CCDC169: variants seen among roughly 807,000 people sequenced by gnomAD.
CCDC169 encodes the protein coiled-coil domain-containing protein 169.
A neutral mutation model predicts 36.0 loss-of-function variants in CCDC169; 30 were observed. The ratio of observed to expected loss-of-function variants is 0.83; its 90% CI spans 0.62 to 1.13. CCDC169 has a LOEUF of 1.13. CCDC169 is among the 50% of genes most tolerant of loss of function. CCDC169 has a pLI of 0.00. For missense variants in CCDC169, 245 were observed against 245.9 expected (o/e 1.00, Z 0.03); for synonymous variants, 85 against 81.5 (o/e 1.04, Z -0.23).
downstream of CCDC169, among the ~76,000 whole-genome samples, chr13:36,228,055 T>G (rs1870042051): frequency 6.6e-6 from 1 of 152,248 alleles, no homozygotes; most frequent in African/African-American, 2.4e-5. Context: ...TACATTTTAT[T>G]TACCCAATCA....
chr13:36,246,436 CA>C (rs1052938790), intron 7 of CCDC169, among the ~76,000 whole-genome samples: 4 of 152,254 alleles, frequency 2.6e-5, no homozygotes, highest in African/African-American at 9.6e-5. Context: ...CCAAAGAAAC[CA>C]CAATATTCTC....
intron 4 of CCDC169, among the ~76,000 whole-genome samples, chr13:36,273,850 A>G (rs2138571692): frequency 6.6e-6 from 1 of 152,160 alleles, no homozygotes; most frequent in African/African-American, 2.4e-5. Context: ...TTTCTTCACT[A>G]TTATCTTTAA....
intron 2 of CCDC169, among the ~76,000 whole-genome samples, chr13:36,293,029 C>T (rs1879091104): frequency 1.3e-5 from 2 of 152,138 alleles, no homozygotes; most frequent in South Asian, 4.2e-4. Flanking sequence ...CTGATTGCTT[C>T]TCTTTTTTCT....
In CCDC169 at chr13:36,288,913, CTAGT is replaced by C. The variant is rs201354073; in HGVS notation, c.164-5215_164-5212del. 5.7e-3 allele frequency among the ~76,000 whole-genome samples: 871 copies of C among 151,976 alleles called. 8 individuals carry two copies. Among genetic ancestry groups the C allele is most frequent in the Non-Finnish European group, 7.8e-3 (527 of 67,954 alleles). ...AAATTCTTATCCTAAAATAAAATGGCTAGTTATTCAGAAAACAGAAAATTTTAGG... is the reference window on the plus strand; with the variant it reads ...AAATTCTTATCCTAAAATAAAATGGCTATTCAGAAAACAGAAAATTTTAGG... On this transcript the variant is annotated intron_variant, in intron 2 of 7. Coordinates refer to ENST00000239859, the MANE Select transcript of CCDC169 (RefSeq NM_001144981.3).
At chr13:36,292,271 G>T (rs1295778836) in intron 2 of CCDC169, among the ~76,000 whole-genome samples, 1 of 152,106 alleles carries the variant, frequency 6.6e-6, no homozygotes, top group Admixed American at 6.5e-5. Flanking sequence ...TGGGATTACA[G>T]GTGTGAACTG....
downstream of CCDC169, among the ~76,000 whole-genome samples, chr13:36,229,588 A>C (rs1870202348): frequency 7.3e-6 from 1 of 137,604 alleles, no homozygotes; most frequent in Non-Finnish European, 1.5e-5. Context: ...CCCAAGCTGG[A>C]GTGCAGTGGC....
At chr13:36,281,301 TTTAC>T (rs777804625) in intron 4 of CCDC169, 22 of 438,198 alleles carry the variant, frequency 5.0e-5, no homozygotes, top group Non-Finnish European at 8.2e-5. Context: ...AAAAAAAAAC[TTTAC>T]TTGTTTAAAC....
Position 36,260,890 on chromosome 13 carries a change from T to C in CCDC169, c.316-6747A>G, listed in dbSNP as rs188426651. ...TAGCTTTTCAGAGAGGACCTAGAAG[T>C]ACACGGTTTCCTGGGTATCACATAT... On this transcript the variant is annotated intron_variant, in intron 4 of 7. Coordinates refer to ENST00000239859, the MANE Select transcript of CCDC169 (RefSeq NM_001144981.3). Among the ~76,000 whole-genome samples the C allele has an allele frequency of 1.6e-4, 25 of 152,314 alleles. No individual in the cohort carries two copies. In the East Asian group the frequency reaches 4.8e-3, roughly 29 times the overall value.
chr13:36,292,677 T>G (rs917354625), intron 2 of CCDC169, among the ~76,000 whole-genome samples: 6 of 152,200 alleles, frequency 3.9e-5, no homozygotes, highest in Non-Finnish European at 8.8e-5. Context: ...TGAAGGCTTT[T>G]GCTGTAAATG....
intron 4 of CCDC169, among the ~76,000 whole-genome samples, chr13:36,255,162 C>A (rs1341141259): frequency 6.6e-6 from 1 of 152,152 alleles, no homozygotes; most frequent in Non-Finnish European, 1.5e-5. Flanking sequence ...TGGGCCAGTT[C>A]TAGGAACAAC....
At chr13:36,237,968 C>T (rs9593944) in intron 7 of CCDC169, among the ~76,000 whole-genome samples, 1,617 of 152,242 alleles carry the variant, frequency 0.011, 22 homozygotes, top group African/African-American at 0.036. Context: ...TTTGTAAGCG[C>T]ACTCTGATGT....
rs989938136 is a variant in CCDC169 at position 36,277,324 on chromosome 13, G to C, written c.315+6145C>G. 2.0e-5 allele frequency among the ~76,000 whole-genome samples: 3 copies of C among 152,156 alleles called. No homozygotes were observed. The East Asian group carries it at 5.8e-4, about 30-fold the overall frequency. ...ACTGGGGCCTGTCAGGGGGTAGGGT[G>C]GGGGAGTGGAGAGCATTAGGAAAAA... On this transcript the variant is annotated intron_variant, in intron 4 of 7. Transcript: ENST00000239859.
intron 6 of CCDC169, among the ~76,000 whole-genome samples, chr13:36,252,808 A>T (rs1186571322): frequency 6.6e-6 from 1 of 152,168 alleles, no homozygotes; most frequent in Non-Finnish European, 1.5e-5. Flanking sequence ...GGACACTTCC[A>T]TTTGGATAAC....
At position 36,290,741 on chromosome 13, in the gene CCDC169, C is replaced by T. The variant is rs199515934; in HGVS notation, c.163+5037G>A. Among the ~76,000 whole-genome samples, 28 of 152,094 alleles carry T rather than the reference C, an allele frequency of 1.8e-4. No individual in the cohort carries two copies. In the East Asian group the frequency reaches 5.4e-3, roughly 29 times the overall value. ...ATTTTTTGAGTTTTGGTTTTTGGCT[C>T]TTATGTTGCCTAAAAGGGGTTTTAA... On this transcript the variant is annotated intron_variant, in intron 2 of 7. Coordinates refer to ENST00000239859, the MANE Select transcript of CCDC169 (RefSeq NM_001144981.3).
At chr13:36,274,394 A>T (rs1876499050) in intron 4 of CCDC169, 1 of 152,168 alleles carries the variant, frequency 6.6e-6, no homozygotes, top group South Asian at 2.1e-4. Context: ...TATCTTTAAA[A>T]CAGAAGAACA....
In CCDC169 at chr13:36,272,108, T is replaced by TA. The variant is rs200363947; in HGVS notation, c.315+11360dup. On this transcript the variant is annotated intron_variant, in intron 4 of 7. Coordinates refer to ENST00000239859, the MANE Select transcript of CCDC169 (RefSeq NM_001144981.3). ...TCAAAAAAAAAAAAAACTAAAAAAA[T>TA]AAATAAATAAATAAAATAAAATAAA... Among the ~76,000 whole-genome samples, 372 of 82,480 alleles carry TA rather than the reference T, an allele frequency of 4.5e-3. 1 individual carries two copies. Among genetic ancestry groups the TA allele is most frequent in the African/African-American group, 0.012 (311 of 26,338 alleles). The allele number at this position is 82,480 out of a possible 152,430, so 54.1% of individuals were successfully genotyped here. A position where few individuals can be genotyped will look rare whatever the true frequency, so the allele number is the denominator to read the frequency against.
chr13:36,285,599 A>ATAGATAGATAGATAGATAGC (rs1878108612), intron 2 of CCDC169, among the ~76,000 whole-genome samples: 1 of 145,522 alleles, frequency 6.9e-6, no homozygotes, highest in Non-Finnish European at 1.5e-5. Context: ...AGATAGATAG[A>ATAGATAGATAGATAGATAGC]TAGATAGATA....
At chr13:36,295,732 AC>A (rs1165676651) in intron 2 of CCDC169, 45 bp downstream of exon 2, 7 of 974,212 alleles carry the variant, frequency 7.2e-6, no homozygotes, top group Non-Finnish European at 1.1e-5. Flanking sequence ...GGTAAAATGA[AC>A]AATAATTATA....
chr13:36,250,662 T>A (rs1037908511), intron 6 of CCDC169, among the ~76,000 whole-genome samples: 4 of 152,216 alleles, frequency 2.6e-5, no homozygotes, highest in Admixed American at 2.6e-4. Context: ...ATGGCTAATG[T>A]AACTTAATAT....
Sources: allele counts gnomAD v4.1 joint callset (sites outside exome capture counted in the v4.1 genomes callset), GRCh38; gene constraint gnomAD v4.1.1; transcripts MANE v1.5; gene names NCBI Gene and HGNC (gene_info 2026-07-23, HGNC 2026-07-21).